The following BMPER variants were observed in gnomAD, a reference collection of about 807,000 sequenced individuals.
The protein encoded by BMPER is BMP binding endothelial regulator.
BMPER carries 45 observed loss-of-function variants against 87.3 expected under a neutral mutation model. The observed-to-expected ratio is 0.52, with a 90% CI of 0.41 to 0.66. The LOEUF is 0.66. Ranked by LOEUF, BMPER falls within the 30% of genes least tolerant of loss-of-function variation. The pLI, the probability that BMPER is intolerant of heterozygous loss-of-function variation, is 0.00. For missense variants in BMPER, 784 were observed against 867.5 expected (o/e 0.90, Z 1.21); for synonymous variants, 326 against 316.2 (o/e 1.03, Z -0.33).
chr7:34,017,122 A>T (rs545570072), intron 6 of BMPER, among the ~76,000 whole-genome samples: 1 of 151,930 alleles, frequency 6.6e-6, no homozygotes, highest in South Asian at 2.1e-4. Context: ...CTGTAGAGTG[A>T]GTTAGGTAGT....
At chr7:33,959,042 T>C (rs960085770) in intron 3 of BMPER, among the ~76,000 whole-genome samples, 2 of 152,184 alleles carry the variant, frequency 1.3e-5, no homozygotes, top group African/African-American at 4.8e-5. Context: ...AGAAGTCCTT[T>C]TGCTCTTCCT....
At chr7:34,011,489 C>T (rs954319576) in intron 6 of BMPER, among the ~76,000 whole-genome samples, 5 of 148,690 alleles carry the variant, frequency 3.4e-5, no homozygotes, top group Admixed American at 2.0e-4. Context: ...ATCTTCATAC[C>T]GCTGTCTATG....
At chr7:34,133,787 G>T (rs1352800002) in intron 13 of BMPER, among the ~76,000 whole-genome samples, 1 of 152,106 alleles carries the variant, frequency 6.6e-6, no homozygotes, top group African/African-American at 2.4e-5. Context: ...GTCCGCTGGA[G>T]AACTAGTGGT....
chr7:34,052,610 TATTC>T (rs1788176113), intron 8 of BMPER, among the ~76,000 whole-genome samples: 1 of 152,242 alleles, frequency 6.6e-6, no homozygotes, highest in African/African-American at 2.4e-5. Flanking sequence ...ACTTTAGGAT[TATTC>T]ATTAGTGAGT....
intron 8 of BMPER, among the ~76,000 whole-genome samples, chr7:34,053,669 T>A (rs757859573): frequency 1.9e-4 from 29 of 152,198 alleles, no homozygotes; most frequent in Non-Finnish European, 4.0e-4. Flanking sequence ...CACTATTTAA[T>A]AAGTGGAAGT....
intron 12 of BMPER, among the ~76,000 whole-genome samples, chr7:34,080,831 A>G (rs987869622): frequency 4.6e-5 from 7 of 152,236 alleles, no homozygotes; most frequent in African/African-American, 1.7e-4. Flanking sequence ...ATAGTGTTCC[A>G]TTCGCAGCTG....
chr7:34,022,178 T>C (rs1045950566), intron 6 of BMPER, among the ~76,000 whole-genome samples: 1 of 152,066 alleles, frequency 6.6e-6, no homozygotes, highest in African/African-American at 2.4e-5. Flanking sequence ...ACTACAAGGT[T>C]CTGGAAGCTG....
chr7:33,921,322 T>TAA (rs1784224330), intron 2 of BMPER, among the ~76,000 whole-genome samples: 1 of 152,204 alleles, frequency 6.6e-6, no homozygotes, highest in East Asian at 1.9e-4. Flanking sequence ...AGCCACCCTG[T>TAA]GAGGTAGCGC....
At chr7:34,124,255 C>T (rs551531391) in intron 13 of BMPER, among the ~76,000 whole-genome samples, 1 of 152,168 alleles carries the variant, frequency 6.6e-6, no homozygotes, top group Non-Finnish European at 1.5e-5. Flanking sequence ...AACTCAGCTT[C>T]CTCTGTGCAG....
At chr7:34,012,393 G>A (rs1466234643) in intron 6 of BMPER, among the ~76,000 whole-genome samples, 4 of 151,898 alleles carry the variant, frequency 2.6e-5, no homozygotes. Flanking sequence ...AGAAGGAATT[G>A]GCATTAATCA....
chr7:33,969,356 A>T (rs1254057399), intron 4 of BMPER, among the ~76,000 whole-genome samples: 1 of 152,210 alleles, frequency 6.6e-6, no homozygotes, highest in East Asian at 1.9e-4. Flanking sequence ...CATTAAGGTG[A>T]TTAGAGTCCC....
intron 13 of BMPER, among the ~76,000 whole-genome samples, chr7:34,133,376 A>C (rs529121521): frequency 6.2e-4 from 94 of 152,214 alleles, no homozygotes; most frequent in African/African-American, 2.2e-3. Context: ...AGCTAAACAC[A>C]CAGGGGTTCT....
chr7:34,077,398 G>A (rs1469002410), intron 11 of BMPER, among the ~76,000 whole-genome samples: 10 of 152,126 alleles, frequency 6.6e-5, no homozygotes, highest in Non-Finnish European at 2.9e-5. Flanking sequence ...GGAACAGAAA[G>A]GGAGGGTGAA....
intron 12 of BMPER, among the ~76,000 whole-genome samples, chr7:34,084,507 A>T (rs1354265372): frequency 6.6e-6 from 1 of 152,156 alleles, no homozygotes; most frequent in Admixed American, 6.5e-5. Context: ...TACAAAGTTC[A>T]CCCATTCACT....
At chr7:34,043,805 A>G (rs1228474779) in intron 6 of BMPER, among the ~76,000 whole-genome samples, 1 of 152,214 alleles carries the variant, frequency 6.6e-6, no homozygotes, top group Non-Finnish European at 1.5e-5. Flanking sequence ...GATTAGTGAA[A>G]GAGAGTTGAG....
At chr7:33,977,466 G>A (rs1785716740) in intron 6 of BMPER, among the ~76,000 whole-genome samples, 1 of 152,168 alleles carries the variant, frequency 6.6e-6, no homozygotes, top group South Asian at 2.1e-4. Context: ...GCGTGCAGGT[G>A]TGAGGTGCCA....
intron 13 of BMPER, among the ~76,000 whole-genome samples, chr7:34,118,898 G>A (rs1790185017): frequency 2.0e-5 from 3 of 151,810 alleles, no homozygotes; most frequent in Admixed American, 2.0e-4. Flanking sequence ...TCTTGCCTGG[G>A]TCTCTAGCCT....
At position 33,905,645 on chromosome 7, in the gene BMPER, C is replaced by A. The variant is rs373715977; in HGVS notation, c.32C>A (p.Ala11Asp). The stretch of plus-strand genomic sequence containing the variant: ...TGGTTCTCCGGCGTCGGGGCTCTGG[C>A]TGAGCGTTACTGCCGCCGCTCGCCT... MLWFSGVGALAERYCRRSPGI... is the reference protein window; with the variant it reads MLWFSGVGALDERYCRRSPGI... Residue 11 changes from alanine (A) to aspartate (D), a missense_variant, in exon 1 of 15, where the codon GCT becomes GAT. Transcript: ENST00000649409. The A allele has an allele frequency of 1.3e-5, 21 of 1,613,194 alleles. No homozygotes were observed. The African/African-American group carries it at 2.5e-4, about 19-fold the overall frequency.
rs972178058 is a variant in BMPER, at chr7:33,966,555, G to A, written c.396G>A (p.Gln132=). The change falls in exon 4 of 15, where the codon CAG becomes CAA. Residue 132 remains glutamine, a synonymous_variant. Coordinates refer to ENST00000649409, the MANE Select transcript of BMPER (RefSeq NM_001365308.1). ...QSPAEPCVLR[Q]CQEGVVTESG... ...CGGCTGAGCCTTGTGTTCTACGCCA[G>A]TGCCAGGTAAAGTTCAATTATTTCT... 2.5e-6 allele frequency: 4 copies of A among 1,613,474 alleles called. No homozygotes were observed. The highest frequency in any genetic ancestry group is 3.4e-6 in the Non-Finnish European group (4 of 1,179,570).
Sources: gnomAD v4.1 joint callset for allele counts (sites outside exome capture counted in the v4.1 genomes callset) on GRCh38, gnomAD v4.1.1 for gene constraint, MANE v1.5 for transcripts, NCBI Gene and HGNC (gene_info 2026-07-23, HGNC 2026-07-21) for gene names.